PDE4B: variants seen among roughly 807,000 people sequenced by gnomAD.
PDE4B encodes phosphodiesterase 4B, also known as 3',5'-cyclic-AMP phosphodiesterase 4B.
In PDE4B, 20 loss-of-function variants were observed where a neutral mutation model predicts 82.2. The ratio of observed to expected loss-of-function variants is 0.24; its 90% CI spans 0.17 to 0.35. The LOEUF (loss-of-function observed/expected upper bound fraction) is 0.35, where lower values mean the gene tolerates loss of function less well. Among genes scored for constraint, PDE4B ranks in the 10% least tolerant of loss-of-function variants. The probability of loss-of-function intolerance (pLI) is 1.00; values close to 1 mark genes in which losing one functional copy is unlikely to be tolerated. For missense variants in PDE4B, 655 were observed against 907.2 expected (o/e 0.72, Z 3.57); for synonymous variants, 320 against 318.9 (o/e 1.00, Z -0.04).
intron 3 of PDE4B, among the ~76,000 whole-genome samples, chr1:65,925,140 G>A (rs568937683): frequency 6.6e-6 from 1 of 152,240 alleles, no homozygotes; most frequent in South Asian, 2.1e-4. Context: ...AGTTTTCAGT[G>A]AGTCTATTTT....
chr1:66,323,581 T>C (rs1246394518), intron 7 of PDE4B, among the ~76,000 whole-genome samples: 2 of 152,194 alleles, frequency 1.3e-5, no homozygotes, highest in African/African-American at 4.8e-5. Context: ...ATTTATCGTA[T>C]CATATTCAAT....
At chr1:66,065,356 A>T (rs1465883922) in intron 3 of PDE4B, among the ~76,000 whole-genome samples, 1 of 151,920 alleles carries the variant, frequency 6.6e-6, no homozygotes. Flanking sequence ...TTAACATGTA[A>T]AAAAATGCAT....
chr1:66,291,284 C>T (rs919757802), intron 7 of PDE4B, among the ~76,000 whole-genome samples: 1 of 152,026 alleles, frequency 6.6e-6, no homozygotes, highest in African/African-American at 2.4e-5. Flanking sequence ...TAATTTTTCT[C>T]AGACCAAGAA....
chr1:65,838,591 GTATATGTATC>G (rs1423658770), intron 1 of PDE4B, among the ~76,000 whole-genome samples: 88 of 147,240 alleles, frequency 6.0e-4, no homozygotes, highest in Non-Finnish European at 1.1e-3. Context: ...GTATATATAT[GTATATGTATC>G]TATATGTATA....
intron 3 of PDE4B, among the ~76,000 whole-genome samples, chr1:66,227,779 A>T (rs181646217): frequency 6.6e-6 from 1 of 152,352 alleles, no homozygotes; most frequent in East Asian, 1.9e-4. Flanking sequence ...ATTTTTATGG[A>T]TATGCCTATT....
At chr1:65,984,293 A>G (rs145487393) in intron 3 of PDE4B, among the ~76,000 whole-genome samples, 1 of 152,320 alleles carries the variant, frequency 6.6e-6, no homozygotes, top group African/African-American at 2.4e-5. Flanking sequence ...AGTGATGGAG[A>G]ACAGATCACA....
chr1:66,284,024 A>G lies in PDE4B; in HGVS notation c.634+17937A>G, dbSNP rs555459737. On this transcript the variant is annotated intron_variant, in intron 7 of 16. Transcript: ENST00000341517. ...AATGCTGGATAATGGAGATACAGAA[A>G]TGAATAAAACATGGTTTCTTCTTTG... 1.0e-3 allele frequency among the ~76,000 whole-genome samples: 156 copies of G among 152,344 alleles called. 1 individual carries two copies. The highest frequency in any genetic ancestry group is 3.6e-3 in the African/African-American group (150 of 41,586).
At chr1:65,924,971 C>T (rs184508673) in intron 3 of PDE4B, among the ~76,000 whole-genome samples, 19 of 152,290 alleles carry the variant, frequency 1.2e-4, no homozygotes, top group African/African-American at 4.1e-4. Flanking sequence ...TTCATTAGGT[C>T]TTACACATGC....
At chr1:65,971,185 C>T (rs1650110667) in intron 3 of PDE4B, among the ~76,000 whole-genome samples, 1 of 151,752 alleles carries the variant, frequency 6.6e-6, no homozygotes, top group African/African-American at 2.4e-5. Flanking sequence ...TACATCTTGG[C>T]TTCATCAGCT....
At chr1:66,145,049 C>T (rs754620514) in intron 3 of PDE4B, among the ~76,000 whole-genome samples, 3 of 152,214 alleles carry the variant, frequency 2.0e-5, no homozygotes, top group South Asian at 2.1e-4. Context: ...CTATGGTGGC[C>T]GTGAGTAGCA....
intron 3 of PDE4B, among the ~76,000 whole-genome samples, chr1:66,139,003 A>G (rs182187684): frequency 6.6e-6 from 1 of 152,330 alleles, no homozygotes; most frequent in East Asian, 1.9e-4. Context: ...TTATCAACAT[A>G]TCAAAGGTAT....
intron 1 of PDE4B, among the ~76,000 whole-genome samples, chr1:65,876,115 A>T (rs998134390): frequency 1.3e-5 from 2 of 152,174 alleles, no homozygotes; most frequent in African/African-American, 2.4e-5. Flanking sequence ...AACAGTGCAG[A>T]TGAAAGGAGT....
At chr1:65,810,830 C>T (rs1266158145) in intron 1 of PDE4B, among the ~76,000 whole-genome samples, 1 of 152,038 alleles carries the variant, frequency 6.6e-6, no homozygotes, top group African/African-American at 2.4e-5. Flanking sequence ...ATAAGTGCTA[C>T]CCCCTTTTCA....
intron 4 of PDE4B, among the ~76,000 whole-genome samples, chr1:66,248,209 GC>G (rs759029364): frequency 2.0e-5 from 3 of 152,226 alleles, no homozygotes; most frequent in East Asian, 3.9e-4. Flanking sequence ...GTAAAGCACT[GC>G]TGATATTTTT....
chr1:66,157,990 C>T (rs1023601063), intron 3 of PDE4B, among the ~76,000 whole-genome samples: 1 of 152,042 alleles, frequency 6.6e-6, no homozygotes, highest in South Asian at 2.1e-4. Flanking sequence ...GATATTAGAG[C>T]ACTTGTGTAA....
At chr1:66,009,731 T>A (rs1652362932) in intron 3 of PDE4B, among the ~76,000 whole-genome samples, 1 of 152,132 alleles carries the variant, frequency 6.6e-6, no homozygotes. Context: ...TGTCTTGAAT[T>A]CATCTAATTG....
At chr1:65,911,963 G>C (rs17451216) in intron 1 of PDE4B, among the ~76,000 whole-genome samples, 25,811 of 151,948 alleles carry the variant, frequency 0.17, 2,414 homozygotes, top group Middle Eastern at 0.3. Context: ...TCATCATGCT[G>C]TTAATCTATA....
chr1:66,369,079 G>C, intron 16 of PDE4B, 110 bp downstream of exon 16: 1 of 766,368 alleles, frequency 1.3e-6, no homozygotes, highest in Non-Finnish European at 2.0e-6. Flanking sequence ...GAAACAATAA[G>C]GAGACAACTA....
chr1:66,050,666 A>C (rs1284036210), intron 3 of PDE4B: 3 of 152,116 alleles, frequency 2.0e-5, no homozygotes, highest in African/African-American at 7.2e-5. Flanking sequence ...AAAACATGTA[A>C]CGTTGATTCT....
Sources: allele counts gnomAD v4.1 joint callset (sites outside exome capture counted in the v4.1 genomes callset), GRCh38; gene constraint gnomAD v4.1.1; transcripts MANE v1.5; gene names NCBI Gene and HGNC (gene_info 2026-07-23, HGNC 2026-07-21).